UBE2E1: variants seen among roughly 807,000 people sequenced by gnomAD.
UBE2E1 encodes ubiquitin-conjugating enzyme E2 E1.
A neutral mutation model predicts 21.4 loss-of-function variants in UBE2E1; 6 were observed. The observed-to-expected ratio is 0.28, with a 90% CI of 0.15 to 0.55. The LOEUF is 0.55. Among genes scored for constraint, UBE2E1 ranks in the 20% least tolerant of loss-of-function variants. The pLI is 0.93. For synonymous variants in UBE2E1, 87 were observed against 82.7 expected (o/e 1.05, Z -0.28); for missense variants, 142 against 236.5 (o/e 0.60, Z 2.62).
rs1700440962 is a variant in UBE2E1, at chr3:23,856,530, T to A, written c.204-31037T>A. ...ACCAACAACTGTTAAATCAACAAAC[T>A]AAGATTTTCTTCTAGATTTGTATCG... On this transcript the variant is annotated intron_variant, in intron 3 of 5. Transcript: ENST00000306627. Among the ~76,000 whole-genome samples, 3 of 152,220 alleles carry A rather than the reference T, an allele frequency of 2.0e-5. No individual in the cohort carries two copies. The South Asian group carries it at 6.2e-4, about 31-fold the overall frequency.
chr3:23,859,956 C>G (rs1368200432), intron 3 of UBE2E1, among the ~76,000 whole-genome samples: 1 of 152,216 alleles, frequency 6.6e-6, no homozygotes, highest in East Asian at 1.9e-4. Flanking sequence ...ACAGTCCCGA[C>G]TGCTGGAGCC....
chr3:23,811,478 G>A lies in UBE2E1; in HGVS notation c.171G>A (p.Ala57=), dbSNP rs749202067. Residue 57 remains alanine, a synonymous_variant, in exon 3 of 6, where the codon GCG becomes GCA. Transcript: ENST00000306627. The part of the protein sequence containing the change: ...TSAKRIQKEL[A]DITLDPPPNC... Reference sequence around the variant, plus strand: ...ACTCCAGAATTCAGAAGGAGCTGGCGGACATCACTTTAGACCCTCCACCTA... The same window carrying A: ...ACTCCAGAATTCAGAAGGAGCTGGCAGACATCACTTTAGACCCTCCACCTA... The A allele has an allele frequency of 6.2e-7, 1 of 1,614,132 alleles. No individual in the cohort carries two copies. Among genetic ancestry groups the A allele is most frequent in the East Asian group, 2.2e-5 (1 of 44,894 alleles).
intron 3 of UBE2E1, among the ~76,000 whole-genome samples, chr3:23,857,001 T>TAAAAAAA (rs34840201): frequency 7.7e-6 from 1 of 129,830 alleles, no homozygotes; most frequent in African/African-American, 3.0e-5. Context: ...GGCTGTCTCT[T>TAAAAAAA]AAAAAAAAAA....
rs1553637704 is a variant in UBE2E1, at chr3:23,842,198, G to GGGGGGTGTGTGT, written c.203+30689_203+30690insGGGGTGTGTGTG. Among the ~76,000 whole-genome samples the GGGGGGTGTGTGT allele has an allele frequency of 1.5e-4, 16 of 104,356 alleles. No homozygotes were observed. Among genetic ancestry groups the GGGGGGTGTGTGT allele is most frequent in the African/African-American group, 5.4e-4 (15 of 27,700 alleles). 68.5% of individuals were successfully genotyped at this position (104,356 alleles called of 152,430 possible). A position where few individuals can be genotyped will look rare whatever the true frequency, so the allele number is the denominator to read the frequency against. ...TATGTCATGACCCAGTAAGTGAAGGGGTGTGTGTGTGTGTGTGTGTGTGTG... is the reference window on the plus strand; with the variant it reads ...TATGTCATGACCCAGTAAGTGAAGGGGGGGGTGTGTGTGTGTGTGTGTGTGTGTGTGTGTGTG... On this transcript the variant is annotated intron_variant, in intron 3 of 5. Coordinates refer to ENST00000306627, the MANE Select transcript of UBE2E1 (RefSeq NM_003341.5). This position sits in a 1 kb window ranked among gnomAD's most constrained non-coding sequence, Gnocchi z 4.6.
intron 3 of UBE2E1, among the ~76,000 whole-genome samples, chr3:23,871,640 C>T (rs1319690694): frequency 6.6e-6 from 1 of 151,598 alleles, no homozygotes; most frequent in South Asian, 2.1e-4. Context: ...GGCGGAGGGT[C>T]TCCTCGCTTC....
At chr3:23,888,540 G>C (rs1402778701) in intron 4 of UBE2E1, among the ~76,000 whole-genome samples, 2 of 152,180 alleles carry the variant, frequency 1.3e-5, no homozygotes, top group African/African-American at 4.8e-5. Context: ...TACTGGCTCT[G>C]CATCCATGGA....
intron 3 of UBE2E1, among the ~76,000 whole-genome samples, chr3:23,850,735 G>C (rs2125307023): frequency 6.8e-6 from 1 of 146,946 alleles, no homozygotes; most frequent in South Asian, 2.2e-4. Flanking sequence ...CCATGCCAGA[G>C]CTGTGGCATG....
rs531808338 is a variant in UBE2E1, at chr3:23,853,236, C to T, written c.204-34331C>T. Among the ~76,000 whole-genome samples, 20 of 152,240 alleles carry T rather than the reference C, an allele frequency of 1.3e-4. 1 individual carries two copies. The South Asian group carries it at 3.9e-3, about 30-fold the overall frequency. ...GCTGTAATTCACCTGGCTACAACTTCCAGTAAAATATTGAATAGAAGTAGT... is the reference window on the plus strand; with the variant it reads ...GCTGTAATTCACCTGGCTACAACTTTCAGTAAAATATTGAATAGAAGTAGT... On this transcript the variant is annotated intron_variant, in intron 3 of 5. Coordinates refer to ENST00000306627, the MANE Select transcript of UBE2E1 (RefSeq NM_003341.5). The surrounding 1 kb of genome is among the most constrained non-coding windows in gnomAD (Gnocchi z 4.1).
chr3:23,873,873 G>A (rs1287660147), intron 3 of UBE2E1, among the ~76,000 whole-genome samples: 1 of 152,224 alleles, frequency 6.6e-6, no homozygotes, highest in African/African-American at 2.4e-5. Context: ...GAAAGCAAAA[G>A]TGGGCAACAA....
chr3:23,848,818 C>A (rs1025062698), intron 3 of UBE2E1, among the ~76,000 whole-genome samples: 10 of 152,216 alleles, frequency 6.6e-5, no homozygotes, highest in African/African-American at 2.4e-4. Flanking sequence ...TAACTGGAAT[C>A]AAAGGGGGAG....
At chr3:23,872,083 A>G (rs1343830086) in intron 3 of UBE2E1, among the ~76,000 whole-genome samples, 1 of 152,154 alleles carries the variant, frequency 6.6e-6, no homozygotes, top group East Asian at 1.9e-4. Flanking sequence ...CCTGGGCACC[A>G]TTGAGCACTG....
intron 3 of UBE2E1, among the ~76,000 whole-genome samples, chr3:23,819,606 G>A (rs1047451794): frequency 1.3e-5 from 2 of 152,186 alleles, no homozygotes; most frequent in South Asian, 2.1e-4. Flanking sequence ...CCGAGAAAGG[G>A]TAGGTAAACA....
intron 3 of UBE2E1, among the ~76,000 whole-genome samples, chr3:23,864,622 C>CA (rs1700616122): frequency 6.6e-6 from 1 of 152,110 alleles, no homozygotes. Context: ...TTCATAAGTG[C>CA]AATGTATTCT....
intron 3 of UBE2E1, among the ~76,000 whole-genome samples, chr3:23,840,891 C>G (rs1004384958): frequency 6.6e-6 from 1 of 152,186 alleles, no homozygotes; most frequent in Non-Finnish European, 1.5e-5. Flanking sequence ...TCTCAGAGAT[C>G]ACTGCCTTGC....
intron 3 of UBE2E1, among the ~76,000 whole-genome samples, chr3:23,838,132 A>G (rs950562719): frequency 6.6e-6 from 1 of 152,070 alleles, no homozygotes; most frequent in African/African-American, 2.4e-5. Flanking sequence ...CAGTGGCACA[A>G]TTACAGCCTA....
intron 3 of UBE2E1, among the ~76,000 whole-genome samples, chr3:23,838,588 A>G (rs1243419258): frequency 3.3e-5 from 5 of 151,930 alleles, no homozygotes; most frequent in Admixed American, 3.3e-4. Context: ...TCCGCCCTGC[A>G]GGGTTCAGGA....
At chr3:23,827,266 G>C (rs1699778038) in intron 3 of UBE2E1, among the ~76,000 whole-genome samples, 1 of 152,156 alleles carries the variant, frequency 6.6e-6, no homozygotes, top group Admixed American at 6.5e-5. Flanking sequence ...ATGAATGCAT[G>C]AATATATCCA....
At chr3:23,824,397 C>T (rs1166310765) in intron 3 of UBE2E1, among the ~76,000 whole-genome samples, 1 of 152,162 alleles carries the variant, frequency 6.6e-6, no homozygotes, top group Admixed American at 6.5e-5. Flanking sequence ...TAATTTTATC[C>T]ATTCTGTCTC....
rs1280883655 is a variant in UBE2E1, at chr3:23,808,749, C to G, written c.152+1328C>G. ...GCCTGACTGACCCTCACTGATTAGC[C>G]CTGTGCGGTTTTCCTGGAACCTGAC... On this transcript the variant is annotated intron_variant, in intron 2 of 5. Transcript: ENST00000306627. The surrounding 1 kb of genome is among the most constrained non-coding windows in gnomAD (Gnocchi z 4.9). 1 of 152,162 alleles carries G rather than the reference C, an allele frequency of 6.6e-6. No individual in the cohort carries two copies. Among genetic ancestry groups the G allele is most frequent in the East Asian group, 1.9e-4 (1 of 5,188 alleles). 9.4% of individuals were successfully genotyped at this position (152,162 alleles called of 1,614,324 possible). A position where few individuals can be genotyped will look rare whatever the true frequency, so the allele number is the denominator to read the frequency against.
Sources: allele counts gnomAD v4.1 joint callset (sites outside exome capture counted in the v4.1 genomes callset), GRCh38; gene constraint gnomAD v4.1.1; non-coding constraint Gnocchi (gnomAD v3.1); transcripts MANE v1.5; gene names NCBI Gene and HGNC (gene_info 2026-07-23, HGNC 2026-07-21).